The following GABRA4 variants were observed in gnomAD, a reference collection of about 807,000 sequenced individuals.
GABRA4 encodes gamma-aminobutyric acid receptor subunit alpha-4.
In GABRA4, 12 loss-of-function variants were observed where a neutral mutation model predicts 49.7. The observed-to-expected ratio is 0.24, with a 90% CI of 0.15 to 0.39. GABRA4 has a LOEUF of 0.39. GABRA4 is among the 10% of genes least tolerant of loss of function. The probability of loss-of-function intolerance (pLI) is 1.00; values close to 1 mark genes in which losing one functional copy is unlikely to be tolerated. For synonymous variants in GABRA4, 288 were observed against 240.2 expected (o/e 1.20, Z -1.84); for missense variants, 506 against 686.0 (o/e 0.74, Z 2.93).
chr4:46,989,808 C>T (rs552286107), intron 2 of GABRA4, among the ~76,000 whole-genome samples: 1 of 152,106 alleles, frequency 6.6e-6, no homozygotes, highest in Non-Finnish European at 1.5e-5. Flanking sequence ...GAAGTAAATC[C>T]ATATTTATAG....
At chr4:46,991,975 C>T (rs1369443050) in intron 2 of GABRA4, among the ~76,000 whole-genome samples, 1 of 152,190 alleles carries the variant, frequency 6.6e-6, no homozygotes, top group Non-Finnish European at 1.5e-5. Context: ...ACTTTGAGAT[C>T]AAAGGACCTG....
At position 46,993,565 on chromosome 4, in the gene GABRA4, A is replaced by T; in HGVS notation, c.-141T>A. On this transcript the variant is annotated 5_prime_UTR_variant, in exon 1 of 9. Coordinates refer to ENST00000264318, the MANE Select transcript of GABRA4 (RefSeq NM_000809.4). ...CACTCGCCCGCGCTCAGCCAGCCCG[A>T]GCCGCGGTGGGCGTGTGTGTGCACG... 1 of 826,692 alleles carries T rather than the reference A, an allele frequency of 1.2e-6. No individual in the cohort carries two copies. The highest frequency in any genetic ancestry group is 1.7e-5 in the African/African-American group (1 of 59,322). The allele number at this position is 826,692 out of a possible 1,614,324, so 51.2% of individuals were successfully genotyped here.
intron 2 of GABRA4, among the ~76,000 whole-genome samples, chr4:46,984,086 G>A (rs1017390039): frequency 1.3e-5 from 2 of 151,916 alleles, no homozygotes; most frequent in African/African-American, 4.8e-5. Flanking sequence ...ATGGTTAAAG[G>A]GTGGAATCAT....
Position 46,993,510 on chromosome 4 carries a change from G to T in GABRA4, c.-86C>A, listed in dbSNP as rs868420357. The T allele has an allele frequency of 4.9e-5, 68 of 1,400,484 alleles. No homozygotes were observed. In the Middle Eastern group the frequency reaches 3.0e-3, roughly 62 times the overall value. The allele number at this position is 1,400,484 out of a possible 1,614,324, so 86.8% of individuals were successfully genotyped here. A position where few individuals can be genotyped will look rare whatever the true frequency, so the allele number is the denominator to read the frequency against. ...CAGGGTGCGAGGAGAGGGCAGAGAG[G>T]CTCCCGCGGCGTGCGCACACTCGCG... On this transcript the variant is annotated 5_prime_UTR_variant, in exon 1 of 9. Coordinates refer to ENST00000264318, the MANE Select transcript of GABRA4 (RefSeq NM_000809.4).
At chr4:46,942,038 CAG>C (rs1481395138) in intron 8 of GABRA4, among the ~76,000 whole-genome samples, 1 of 152,110 alleles carries the variant, frequency 6.6e-6, no homozygotes, top group African/African-American at 2.4e-5. Context: ...GGACACCAAT[CAG>C]ATGTCTTAAA....
intron 8 of GABRA4, among the ~76,000 whole-genome samples, chr4:46,953,173 T>C (rs78531037): frequency 0.025 from 3,736 of 152,226 alleles, 80 homozygotes; most frequent in East Asian, 0.077. Flanking sequence ...ATGATATTCA[T>C]AATAATGAGC....
At chr4:46,971,826 AG>A (rs1722957704) in intron 6 of GABRA4, among the ~76,000 whole-genome samples, 1 of 150,684 alleles carries the variant, frequency 6.6e-6, no homozygotes, top group Non-Finnish European at 1.5e-5. Context: ...CTTTATATGA[AG>A]AAAAATATAG....
intron 7 of GABRA4, among the ~76,000 whole-genome samples, chr4:46,969,698 T>A (rs1257826776): frequency 1.3e-5 from 2 of 151,514 alleles, no homozygotes; most frequent in Non-Finnish European, 3.0e-5. Flanking sequence ...TCCTCACTAG[T>A]CTATGAGGGT....
In GABRA4 at chr4:46,923,805, G is replaced by A. The variant is rs551590277; in HGVS notation, c.*4420C>T. 17 of 152,082 alleles carry A rather than the reference G, an allele frequency of 1.1e-4. No individual in the cohort carries two copies. The highest frequency in any genetic ancestry group is 3.4e-4 in the African/African-American group (14 of 41,488). The allele number at this position is 152,082 out of a possible 1,614,324, so 9.4% of individuals were successfully genotyped here. A position where few individuals can be genotyped will look rare whatever the true frequency, so the allele number is the denominator to read the frequency against. ...ATCCTGATCAAATTCCATTCCTTCA[G>A]TAATTTACACAAAACTCTTCCTAAT... On this transcript the variant is annotated 3_prime_UTR_variant, in exon 9 of 9. Transcript: ENST00000264318.
chr4:46,985,817 A>G (rs2109404720), intron 2 of GABRA4, among the ~76,000 whole-genome samples: 1 of 152,120 alleles, frequency 6.6e-6, no homozygotes, highest in African/African-American at 2.4e-5. Flanking sequence ...AAGATAGTAA[A>G]GTTGCACTCT....
Position 46,925,200 on chromosome 4 carries a change from A to C in GABRA4, c.*3025T>G, listed in dbSNP as rs1721174522. 1 of 151,880 alleles carries C rather than the reference A, an allele frequency of 6.6e-6. No homozygotes were observed. The allele number at this position is 151,880 out of a possible 1,614,324, so 9.4% of individuals were successfully genotyped here. On this transcript the variant is annotated 3_prime_UTR_variant, in exon 9 of 9. Coordinates refer to ENST00000264318, the MANE Select transcript of GABRA4 (RefSeq NM_000809.4). ...CCTGTGATTTTATCTTTGTCATGTA[A>C]CTTCTCTGTGACTCATTTCATCAAA...
chr4:46,930,857 G>T (rs1721406442), intron 8 of GABRA4, among the ~76,000 whole-genome samples: 1 of 151,534 alleles, frequency 6.6e-6, no homozygotes, highest in Non-Finnish European at 1.5e-5. Context: ...CCTGTTGTTT[G>T]AAGAAACTGG....
chr4:46,942,805 C>T lies in GABRA4; in HGVS notation c.1135-14050G>A, dbSNP rs564234379. 2.0e-5 allele frequency among the ~76,000 whole-genome samples: 3 copies of T among 151,942 alleles called. No homozygotes were observed. The Middle Eastern group carries it at 0.01, about 517-fold the overall frequency. ...ACCTAACTCTAATGTGTTATTTTTC[C>T]ATAGGGTTTAGCTGTCAGTTATCAC... On this transcript the variant is annotated intron_variant, in intron 8 of 8. Coordinates refer to ENST00000264318, the MANE Select transcript of GABRA4 (RefSeq NM_000809.4).
chr4:46,964,199 A>T (rs1490758362), intron 8 of GABRA4, among the ~76,000 whole-genome samples: 4 of 151,974 alleles, frequency 2.6e-5, no homozygotes, highest in East Asian at 3.9e-4. Context: ...TATTTGTGGG[A>T]TCTAAAAATC....
rs369767822 is a variant in GABRA4 at position 46,926,169 on chromosome 4, C to G, written c.*2056G>C. 1.3e-5 allele frequency: 2 copies of G among 151,860 alleles called. No individual in the cohort carries two copies. Among genetic ancestry groups the G allele is most frequent in the Non-Finnish European group, 1.5e-5 (1 of 67,878 alleles). 9.4% of individuals were successfully genotyped at this position (151,860 alleles called of 1,614,324 possible). ...CCAGCATAGTTCCTGGAACAAAGTA[C>G]GCTCTGAATAACTAGTAGCGAATGA... is the stretch of plus-strand genomic sequence containing the variant. On this transcript the variant is annotated 3_prime_UTR_variant, in exon 9 of 9. Transcript: ENST00000264318.
rs534829631 is a variant in GABRA4, at chr4:46,958,839, C to G, written c.1134+6131G>C. Among the ~76,000 whole-genome samples, 4 of 152,010 alleles carry G rather than the reference C, an allele frequency of 2.6e-5. No individual in the cohort carries two copies. The East Asian group carries it at 7.8e-4, about 30-fold the overall frequency. On this transcript the variant is annotated intron_variant, in intron 8 of 8. Coordinates refer to ENST00000264318, the MANE Select transcript of GABRA4 (RefSeq NM_000809.4). ...TAGGTCACATATAGTGATGATGAAT[C>G]AAACTACCAGTGAGTTACCCAAAGG...
intron 7 of GABRA4, among the ~76,000 whole-genome samples, chr4:46,969,646 G>A (rs1353278579): frequency 6.6e-6 from 1 of 151,458 alleles, no homozygotes; most frequent in African/African-American, 2.4e-5. Context: ...GAACTAAGTG[G>A]TCCAGATACC....
At position 46,923,576 on chromosome 4, in the gene GABRA4, G is replaced by A. The variant is rs570467044; in HGVS notation, c.*4649C>T. 10 of 151,022 alleles carry A rather than the reference G, an allele frequency of 6.6e-5. No homozygotes were observed. The East Asian group carries it at 9.7e-4, about 15-fold the overall frequency. 9.4% of individuals were successfully genotyped at this position (151,022 alleles called of 1,614,324 possible). The stretch of plus-strand genomic sequence containing the variant: ...TTACAAATGACAATGAAGTCATTGC[G>A]GTCAAAAAAAGAAAAAAGGAATAGA... On this transcript the variant is annotated 3_prime_UTR_variant, in exon 9 of 9. Coordinates refer to ENST00000264318, the MANE Select transcript of GABRA4 (RefSeq NM_000809.4).
intron 8 of GABRA4, among the ~76,000 whole-genome samples, chr4:46,951,142 TAA>T: frequency 6.6e-6 from 1 of 152,184 alleles, no homozygotes; most frequent in East Asian, 1.9e-4. Flanking sequence ...CGTTTGTGGT[TAA>T]GAGAAGAGTT....
Sources: allele counts gnomAD v4.1 joint callset (sites outside exome capture counted in the v4.1 genomes callset), GRCh38; gene constraint gnomAD v4.1.1; transcripts MANE v1.5; gene names NCBI Gene and HGNC (gene_info 2026-07-23, HGNC 2026-07-21).